The following EPG5 variants were observed in gnomAD, a reference collection of about 807,000 sequenced individuals.
The protein encoded by EPG5 is ectopic P-granules 5 autophagy tethering factor, also known as ectopic P granules protein 5 homolog.
In EPG5, 159 loss-of-function variants were observed where a neutral mutation model predicts 302.7. The observed-to-expected ratio is 0.53, with a 90% CI of 0.46 to 0.60. EPG5 has a LOEUF of 0.60. Ranked by LOEUF, EPG5 falls within the 20% of genes least tolerant of loss-of-function variation. The probability of loss-of-function intolerance (pLI) is 0.00; values close to 1 mark genes in which losing one functional copy is unlikely to be tolerated. For synonymous variants in EPG5, 1,158 were observed against 1,136.8 expected (o/e 1.02, Z -0.37); for missense variants, 2,896 against 3,092.4 (o/e 0.94, Z 1.51).
chr18:45,967,057 G>T, intron 1 of EPG5, 120 bp downstream of exon 1: 2 of 926,338 alleles, frequency 2.2e-6, no homozygotes, highest in Non-Finnish European at 3.2e-6. Flanking sequence ...ATTGGAAGGT[G>T]GAGGCGGAAG....
At chr18:45,899,864 A>C (rs1458380277) in intron 26 of EPG5, among the ~76,000 whole-genome samples, 4 of 152,214 alleles carry the variant, frequency 2.6e-5, no homozygotes, top group Non-Finnish European at 1.5e-5. Context: ...AGAACAACTG[A>C]GAATTCTATC....
At chr18:45,843,934 T>C (rs1431459584), downstream of EPG5, 1 of 152,218 alleles carries the variant, frequency 6.6e-6, no homozygotes. Flanking sequence ...GCTGGGTATC[T>C]GTCAGCAAGG....
chr18:45,947,437 G>A (rs2145933649), intron 6 of EPG5, among the ~76,000 whole-genome samples: 1 of 152,156 alleles, frequency 6.6e-6, no homozygotes, highest in African/African-American at 2.4e-5. Flanking sequence ...AGGTAATGGA[G>A]AGGCTTGTTT....
chr18:45,879,101 C>T lies in EPG5; in HGVS notation c.5781G>A (p.Val1927=). ...FSKWSPYMAD[V]KTFLGYLVKR... ...TCACAAGGTAGCCCAAGAATGTCTT[C>T]ACATCAGCCATATAAGGACTCCATT... is the stretch of plus-strand genomic sequence containing the variant. Residue 1927 remains valine, a synonymous_variant, in exon 33 of 44, where the codon GTG becomes GTA. Coordinates refer to ENST00000282041, the MANE Select transcript of EPG5 (RefSeq NM_020964.3). The T allele has an allele frequency of 6.2e-7, 1 of 1,614,116 alleles. No individual in the cohort carries two copies. The highest frequency in any genetic ancestry group is 8.5e-7 in the Non-Finnish European group (1 of 1,180,020).
At chr18:45,903,279 G>T (rs1269584867) in intron 25 of EPG5, among the ~76,000 whole-genome samples, 1 of 151,920 alleles carries the variant, frequency 6.6e-6, no homozygotes, top group African/African-American at 2.4e-5. Context: ...TCAAGAAAAA[G>T]TGCAGGGAGA....
Position 45,886,755 on chromosome 18 carries a change from T to A in EPG5, c.5109+996A>T, listed in dbSNP as rs544570821. Among the ~76,000 whole-genome samples, 22 of 152,300 alleles carry A rather than the reference T, an allele frequency of 1.4e-4. 1 individual carries two copies. The East Asian group carries it at 3.7e-3, about 25-fold the overall frequency. On this transcript the variant is annotated intron_variant, in intron 29 of 43. Transcript: ENST00000282041. ...CTCACCGCAACCTCTGCCTCCCAGTTTCAAGTAATTCTCCTGCCTCAGTCT... is the reference window on the plus strand; with the variant it reads ...CTCACCGCAACCTCTGCCTCCCAGTATCAAGTAATTCTCCTGCCTCAGTCT...
chr18:45,932,561 TA>T (rs2050417275), intron 11 of EPG5, among the ~76,000 whole-genome samples: 3 of 152,090 alleles, frequency 2.0e-5, no homozygotes, highest in South Asian at 4.1e-4. Context: ...TTACTAAATA[TA>T]AAAAGTGAGG....
intron 1 of EPG5, among the ~76,000 whole-genome samples, chr18:45,956,864 A>G (rs751321601): frequency 6.6e-6 from 1 of 151,688 alleles, no homozygotes; most frequent in Non-Finnish European, 1.5e-5. Flanking sequence ...CACTAAGTAC[A>G]AAATTATCTC....
At chr18:45,931,400 A>G (rs1025585038) in intron 11 of EPG5, among the ~76,000 whole-genome samples, 1 of 152,258 alleles carries the variant, frequency 6.6e-6, no homozygotes, top group African/African-American at 2.4e-5. Context: ...AATAAATGTG[A>G]TATGTTTTGC....
chr18:45,887,650 C>T, intron 29 of EPG5, 101 bp downstream of exon 29: 1 of 1,032,944 alleles, frequency 9.7e-7, no homozygotes, highest in East Asian at 2.8e-5. Flanking sequence ...AGACTCTGAA[C>T]CTGTAATATA....
At chr18:45,820,413 C>A in the EPG5 span, among the ~76,000 whole-genome samples, 1 of 152,164 alleles carries the variant, frequency 6.6e-6, no homozygotes, top group Non-Finnish European at 1.5e-5. Context: ...TCCTAACCAC[C>A]CAAGCCTTGT....
the EPG5 span, among the ~76,000 whole-genome samples, chr18:45,812,914 C>T: frequency 3.3e-5 from 5 of 152,166 alleles, no homozygotes; most frequent in Non-Finnish European, 7.3e-5. Context: ...CCAAAATTGA[C>T]AAGTGGGATC....
chr18:45,858,922 C>A, intron 40 of EPG5, 140 bp from the exon 41 acceptor site: 2 of 671,086 alleles, frequency 3.0e-6, no homozygotes. Context: ...CATGTCAAGA[C>A]AACCTTTCTT....
In EPG5 at chr18:45,852,515, G is replaced by A. The variant is rs747189808; in HGVS notation, c.7692C>T (p.Leu2564=). The change falls in exon 44 of 44, where the codon CTC becomes CTT. Residue 2564 remains leucine, a synonymous_variant. Transcript: ENST00000282041. The part of the protein sequence containing the change: ...LQDGKSFLAL[L]VNCLYPEVHY... ...GCACTTCTGGATACAGACAGTTAAC[G>A]AGAAGAGCCAAGAAGCTTTTCCCAT... 1.5e-5 allele frequency: 24 copies of A among 1,614,086 alleles called. No homozygotes were observed. Among genetic ancestry groups the A allele is most frequent in the East Asian group, 1.1e-4 (5 of 44,894 alleles).
the EPG5 span, among the ~76,000 whole-genome samples, chr18:45,809,312 CA>C: frequency 3.3e-5 from 5 of 152,202 alleles, no homozygotes; most frequent in East Asian, 9.6e-4. Context: ...TTAGAGAGGT[CA>C]TCAAGGCAGA....
chr18:45,825,855 C>T, the EPG5 span: 2 of 1,569,688 alleles, frequency 1.3e-6, no homozygotes, highest in Non-Finnish European at 1.8e-6. Flanking sequence ...TACAGTCTCC[C>T]CTGGAAGGCA....
At chr18:45,958,463 G>A (rs1370802548) in intron 1 of EPG5, among the ~76,000 whole-genome samples, 2 of 132,622 alleles carry the variant, frequency 1.5e-5, no homozygotes, top group Non-Finnish European at 3.0e-5. Context: ...TATAGTGTTG[G>A]CACATGGACA....
intron 16 of EPG5, among the ~76,000 whole-genome samples, chr18:45,918,462 C>A (rs1410216398): frequency 6.6e-6 from 1 of 152,152 alleles, no homozygotes; most frequent in Non-Finnish European, 1.5e-5. Flanking sequence ...GATACTCAAC[C>A]TGCATAAACT....
rs745754388 is a variant in EPG5 at position 45,876,234 on chromosome 18, A to G, written c.6049+2T>C. The G allele has an allele frequency of 1.9e-6, 3 of 1,605,814 alleles. No homozygotes were observed. The highest frequency in any genetic ancestry group is 2.2e-5 in the South Asian group (2 of 90,880). On this transcript the variant is annotated splice_donor_variant, in intron 35 of 43. Transcript: ENST00000282041. LOFTEE classifies it high-confidence loss of function. ...AGCAGAGACAGCCTGACATCTTCCT[A>G]CCTTTAAAACTCTCATGCAGTGAGT... is the stretch of plus-strand genomic sequence containing the variant.
Sources: allele counts gnomAD v4.1 joint callset (sites outside exome capture counted in the v4.1 genomes callset), GRCh38; gene constraint gnomAD v4.1.1; transcripts MANE v1.5; gene names NCBI Gene and HGNC (gene_info 2026-07-23, HGNC 2026-07-21).